LRRTM4: variants seen among roughly 807,000 people sequenced by gnomAD.
LRRTM4 encodes leucine-rich repeat transmembrane neuronal protein 4.
A neutral mutation model predicts 47.6 loss-of-function variants in LRRTM4; 25 were observed. That is an observed-to-expected ratio of 0.53 (90% confidence interval 0.38 to 0.73). LRRTM4 has a LOEUF of 0.73. Ranked by LOEUF, LRRTM4 falls within the 30% of genes least tolerant of loss-of-function variation. LRRTM4 has a pLI of 0.00. For synonymous variants in LRRTM4, 311 were observed against 269.5 expected (o/e 1.15, Z -1.51); for missense variants, 638 against 713.4 (o/e 0.89, Z 1.20).
intron 3 of LRRTM4, among the ~76,000 whole-genome samples, chr2:77,033,391 T>C (rs1272678217): frequency 6.6e-6 from 1 of 151,408 alleles, no homozygotes; most frequent in African/African-American, 2.4e-5. Context: ...ATTAGTAGTA[T>C]AATTAGCTCA....
At chr2:76,753,431 T>A (rs1054037685) in intron 3 of LRRTM4, among the ~76,000 whole-genome samples, 3 of 152,160 alleles carry the variant, frequency 2.0e-5, no homozygotes, top group Non-Finnish European at 4.4e-5. Flanking sequence ...GGCTCATAGA[T>A]TGGCTCATTA....
intron 3 of LRRTM4, among the ~76,000 whole-genome samples, chr2:77,393,210 GATTAGAAAAACAA>G (rs1181984412): frequency 2.0e-5 from 3 of 151,812 alleles, no homozygotes; most frequent in East Asian, 1.9e-4. Flanking sequence ...GTGTATTAAA[GATTAGAAAAACAA>G]ATTAGAAAAA....
intron 3 of LRRTM4, among the ~76,000 whole-genome samples, chr2:77,478,976 C>T (rs1677544348): frequency 6.6e-6 from 1 of 152,100 alleles, no homozygotes; most frequent in African/African-American, 2.4e-5. Context: ...CTCACTGCAA[C>T]CTCCGCCTCC....
At chr2:77,460,910 T>G (rs1007303930) in intron 3 of LRRTM4, among the ~76,000 whole-genome samples, 5 of 152,050 alleles carry the variant, frequency 3.3e-5, no homozygotes, top group African/African-American at 1.2e-4. Flanking sequence ...CCATGTCCCT[T>G]GCCCCAAGCC....
intron 3 of LRRTM4, among the ~76,000 whole-genome samples, chr2:76,986,560 G>C (rs1443893784): frequency 6.6e-6 from 1 of 151,870 alleles, no homozygotes; most frequent in African/African-American, 2.4e-5. Flanking sequence ...TGAACATTTT[G>C]GGGGCATGGT....
intron 3 of LRRTM4, among the ~76,000 whole-genome samples, chr2:76,794,112 G>A (rs1009597835): frequency 2.6e-5 from 4 of 152,144 alleles, no homozygotes; most frequent in Admixed American, 6.6e-5. Context: ...CACATGGAGC[G>A]AAGATTTGAT....
chr2:76,936,543 A>T (rs1674955240), intron 3 of LRRTM4, among the ~76,000 whole-genome samples: 1 of 151,122 alleles, frequency 6.6e-6, no homozygotes, highest in South Asian at 2.1e-4. Flanking sequence ...TATGTAAGAA[A>T]CCTGCACGTT....
intron 3 of LRRTM4, among the ~76,000 whole-genome samples, chr2:77,283,976 A>G (rs1676582535): frequency 6.6e-6 from 1 of 152,062 alleles, no homozygotes; most frequent in Non-Finnish European, 1.5e-5. Context: ...ATATAAAATA[A>G]AAGTTGAAAA....
chr2:76,806,595 T>G (rs916971258), intron 3 of LRRTM4, among the ~76,000 whole-genome samples: 3 of 134,316 alleles, frequency 2.2e-5, no homozygotes, highest in African/African-American at 9.0e-5. Context: ...ACATTTTTTT[T>G]AAAAAGAAAA....
intron 3 of LRRTM4, among the ~76,000 whole-genome samples, chr2:77,494,320 A>T (rs1235962708): frequency 1.3e-5 from 2 of 152,046 alleles, no homozygotes; most frequent in Non-Finnish European, 2.9e-5. Flanking sequence ...TTTGGTTTTG[A>T]CCTTCAGGCA....
At chr2:77,391,200 C>T (rs1247901493) in intron 3 of LRRTM4, among the ~76,000 whole-genome samples, 2 of 151,814 alleles carry the variant, frequency 1.3e-5, no homozygotes, top group Non-Finnish European at 2.9e-5. Context: ...ACTTTATATT[C>T]TTTATTGGTT....
intron 3 of LRRTM4, among the ~76,000 whole-genome samples, chr2:76,771,501 T>C (rs1038379625): frequency 6.6e-6 from 1 of 152,122 alleles, no homozygotes; most frequent in African/African-American, 2.4e-5. Flanking sequence ...CTTTAACCAC[T>C]GAGCTCCCAC....
chr2:77,038,661 CTA>C (rs1398184115), intron 3 of LRRTM4, among the ~76,000 whole-genome samples: 4 of 151,460 alleles, frequency 2.6e-5, no homozygotes, highest in African/African-American at 9.7e-5. Context: ...TTCTTGTCCC[CTA>C]GTTTTAGTCT....
intron 3 of LRRTM4, among the ~76,000 whole-genome samples, chr2:77,078,064 A>C (rs548751358): frequency 6.6e-6 from 1 of 152,244 alleles, no homozygotes; most frequent in East Asian, 1.9e-4. Context: ...GACACAGTTG[A>C]TCTACTCTTT....
chr2:77,292,365 A>C (rs1676849691), intron 3 of LRRTM4, among the ~76,000 whole-genome samples: 1 of 151,736 alleles, frequency 6.6e-6, no homozygotes, highest in African/African-American at 2.4e-5. Context: ...CCAAAGGACT[A>C]TAAATCATGC....
intron 3 of LRRTM4, among the ~76,000 whole-genome samples, chr2:77,152,036 A>G (rs1013684704): frequency 1.3e-5 from 2 of 152,210 alleles, no homozygotes; most frequent in African/African-American, 4.8e-5. Flanking sequence ...AAAGAAGAAT[A>G]TTAAAAGTTA....
chr2:76,862,072 CTT>C lies in LRRTM4; in HGVS notation c.1552-113158_1552-113157del, dbSNP rs10713746. On this transcript the variant is annotated intron_variant, in intron 3 of 3. Transcript: ENST00000409884. ...AGGTATTGGGGCTTGCTAATTTAGGCTTTTTTTTTTTAAATAAAGCAAGTGTT... is the reference window on the plus strand; with the variant it reads ...AGGTATTGGGGCTTGCTAATTTAGGCTTTTTTTTTAAATAAAGCAAGTGTT... 4.0e-3 allele frequency among the ~76,000 whole-genome samples: 573 copies of C among 144,196 alleles called. 2 individuals carry two copies. The highest frequency in any genetic ancestry group is 0.012 in the African/African-American group (478 of 39,848). The allele number at this position is 144,196 out of a possible 152,430, so 94.6% of individuals were successfully genotyped here.
At chr2:76,763,511 C>T (rs1174349665) in intron 3 of LRRTM4, among the ~76,000 whole-genome samples, 2 of 152,316 alleles carry the variant, frequency 1.3e-5, no homozygotes, top group South Asian at 2.1e-4. Context: ...CTTAATAGCA[C>T]CTTAATCTTG....
chr2:77,458,285 A>T (rs1168794969), intron 3 of LRRTM4, among the ~76,000 whole-genome samples: 1 of 152,266 alleles, frequency 6.6e-6, no homozygotes, highest in East Asian at 1.9e-4. Flanking sequence ...GCATGGAGTA[A>T]CAAGGGAGCT....
Sources: allele counts gnomAD v4.1 joint callset (sites outside exome capture counted in the v4.1 genomes callset), GRCh38; gene constraint gnomAD v4.1.1; transcripts MANE v1.5; gene names NCBI Gene and HGNC (gene_info 2026-07-23, HGNC 2026-07-21).